DMD: variants seen among roughly 807,000 people sequenced by gnomAD.
DMD encodes mutant dystrophin.
DMD carries 63 observed loss-of-function variants against 330.1 expected under a neutral mutation model. That is an observed-to-expected ratio of 0.19 (90% CI 0.16 to 0.24). The LOEUF (loss-of-function observed/expected upper bound fraction) is 0.24, where lower values mean the gene tolerates loss of function less well. Ranked by LOEUF, DMD falls within the 10% of genes least tolerant of loss-of-function variation. The pLI, the probability that DMD is intolerant of heterozygous loss-of-function variation, is 1.00. For missense variants in DMD, 3,344 were observed against 2,684.1 expected (o/e 1.25, Z -5.43); for synonymous variants, 1,223 against 959.8 (o/e 1.27, Z -5.07).
At chrX:32,827,068 CACACA>C (rs2078771407) in intron 4 of DMD, among the ~76,000 whole-genome samples, 4 of 85,525 alleles carry the variant, frequency 4.7e-5, no homozygotes, top group African/African-American at 1.4e-4. Context: ...CCCCCCCCCA[CACACA>C]CACACACACA....
intron 7 of DMD, among the ~76,000 whole-genome samples, chrX:32,800,973 C>A (rs753069368): frequency 6.3e-5 from 7 of 111,265 alleles, no homozygotes; most frequent in South Asian, 3.7e-4. Context: ...GGGTTGGTTT[C>A]AAGTCTTTGC....
At chrX:32,197,217 G>GTACATCGTAGGAGTATA (rs2097010106) in intron 44 of DMD, among the ~76,000 whole-genome samples, 1 of 109,903 alleles carries the variant, frequency 9.1e-6, no homozygotes, top group Non-Finnish European at 1.9e-5. Flanking sequence ...TATTTGTAGG[G>GTACATCGTAGGAGTATA]TACATGAGAT....
At chrX:32,335,640 C>CAT (rs2097704083) in intron 41 of DMD, among the ~76,000 whole-genome samples, 1 of 62,473 alleles carries the variant, frequency 1.6e-5, no homozygotes, top group Non-Finnish European at 3.0e-5. Context: ...ATAACATATA[C>CAT]ATAACATGTT....
intron 63 of DMD, among the ~76,000 whole-genome samples, chrX:31,246,544 C>T (rs2147395829): frequency 8.9e-6 from 1 of 112,459 alleles, no homozygotes; most frequent in South Asian, 3.7e-4. Flanking sequence ...AATGGACAGG[C>T]TGTATCTCTT....
chrX:32,593,765 A>ATAAATGACCAAT (rs1256929087), intron 13 of DMD, among the ~76,000 whole-genome samples: 1 of 112,656 alleles, frequency 8.9e-6, no homozygotes, highest in Non-Finnish European at 1.9e-5. Flanking sequence ...TGAAGACTAT[A>ATAAATGACCAAT]TAAATGACCA....
intron 1 of DMD, among the ~76,000 whole-genome samples, chrX:33,171,184 A>T (rs1291995419): frequency 2.5e-4 from 1 of 3,940 alleles, no homozygotes; most frequent in East Asian, 0.33. Context: ...AGATGGATTG[A>T]ACACTCCTTT....
chrX:31,321,817 C>A (rs1232094167), intron 62 of DMD, among the ~76,000 whole-genome samples: 3 of 110,696 alleles, frequency 2.7e-5, no homozygotes, highest in African/African-American at 9.9e-5. Context: ...TCTAATTCCA[C>A]TGAGAAACAG....
intron 4 of DMD, among the ~76,000 whole-genome samples, chrX:32,832,912 A>G (rs778454633): frequency 9.0e-6 from 1 of 111,289 alleles, no homozygotes; most frequent in African/African-American, 3.2e-5. Context: ...GTATTTCAAG[A>G]ATTATTTTTG....
At chrX:32,413,747 G>A (rs750606252) in intron 29 of DMD, among the ~76,000 whole-genome samples, 19 of 94,521 alleles carry the variant, frequency 2.0e-4, no homozygotes, top group African/African-American at 7.3e-4. Context: ...TGGAGGCGGA[G>A]TCTCTCTCTG....
intron 53 of DMD, among the ~76,000 whole-genome samples, chrX:31,677,596 A>G (rs959993936): frequency 2.7e-5 from 3 of 112,343 alleles, no homozygotes; most frequent in African/African-American, 6.5e-5. Flanking sequence ...CAGACCAGGA[A>G]TTAGGAAAAT....
At chrX:31,691,949 T>C (rs753247525) in intron 52 of DMD, among the ~76,000 whole-genome samples, 1 of 111,822 alleles carries the variant, frequency 8.9e-6, no homozygotes, top group South Asian at 3.7e-4. Context: ...CAGAACATTG[T>C]GCCCTGAACA....
At chrX:31,877,485 T>C (rs1474762363) in intron 47 of DMD, among the ~76,000 whole-genome samples, 1 of 112,326 alleles carries the variant, frequency 8.9e-6, no homozygotes, top group Non-Finnish European at 1.9e-5. Flanking sequence ...GAAGGTGACC[T>C]GCACACTTCT....
intron 59 of DMD, among the ~76,000 whole-genome samples, chrX:31,465,947 G>C (rs976259216): frequency 3.6e-5 from 4 of 112,369 alleles, no homozygotes; most frequent in African/African-American, 1.3e-4. Flanking sequence ...GTGATGATGA[G>C]CTTTTTTTCA....
chrX:32,058,916 A>G (rs1188042689), intron 44 of DMD, among the ~76,000 whole-genome samples: 1 of 111,704 alleles, frequency 9.0e-6, no homozygotes, highest in Non-Finnish European at 1.9e-5. Flanking sequence ...TTCTGCCACA[A>G]AAAGGAAATC....
At chrX:33,314,577 T>TTG (rs1557320654) in intron 1 of DMD, among the ~76,000 whole-genome samples, 3 of 99,764 alleles carry the variant, frequency 3.0e-5, no homozygotes, top group Non-Finnish European at 6.1e-5. Context: ...TTTGTTTTTT[T>TTG]TTTTTTTTTT....
chrX:31,542,216 G>A (rs895993597), intron 55 of DMD, among the ~76,000 whole-genome samples: 14 of 111,990 alleles, frequency 1.3e-4, no homozygotes, highest in Non-Finnish European at 2.4e-4. Context: ...AATTAAATTA[G>A]GCTGATGTCA....
intron 2 of DMD, among the ~76,000 whole-genome samples, chrX:32,860,579 A>AT (rs11427173): frequency 0.16 from 17,100 of 107,724 alleles, 1,298 homozygotes; most frequent in African/African-American, 0.27. Flanking sequence ...TTCCGAGTTG[A>AT]TTTTTTTTTT....
At chrX:31,469,197 T>C (rs1191401161) in intron 59 of DMD, among the ~76,000 whole-genome samples, 1 of 111,651 alleles carries the variant, frequency 9.0e-6, no homozygotes. Flanking sequence ...ATGTGTGAAT[T>C]TGATCCTGTC....
intron 64 of DMD, among the ~76,000 whole-genome samples, chrX:31,213,907 G>A (rs1474146737): frequency 8.9e-6 from 1 of 112,414 alleles, no homozygotes; most frequent in Non-Finnish European, 1.9e-5. Flanking sequence ...AACAAGCTAC[G>A]CTTGGTTGAA....
Sources: gnomAD v4.1 joint callset for allele counts (sites outside exome capture counted in the v4.1 genomes callset) on GRCh38, gnomAD v4.1.1 for gene constraint, MANE v1.5 for transcripts, NCBI Gene and HGNC (gene_info 2026-07-23, HGNC 2026-07-21) for gene names.